Variants in TMEM117 observed in about 807,000 individuals in gnomAD.
TMEM117 encodes transmembrane protein 117.
Under a neutral mutation model 52.4 loss-of-function variants are expected in TMEM117, and 27 were observed. The observed-to-expected ratio is 0.51, with a 90% CI of 0.38 to 0.71. TMEM117 has a LOEUF of 0.71. TMEM117 is among the 30% of genes least tolerant of loss of function. TMEM117 has a pLI of 0.00. For synonymous variants in TMEM117, 215 were observed against 206.3 expected (o/e 1.04, Z -0.36); for missense variants, 556 against 630.5 (o/e 0.88, Z 1.26).
intron 2 of TMEM117, among the ~76,000 whole-genome samples, chr12:43,878,899 A>G (rs1456305572): frequency 6.6e-6 from 1 of 152,200 alleles, no homozygotes; most frequent in Non-Finnish European, 1.5e-5. Flanking sequence ...GACCATTCAT[A>G]AATGTGTACC....
At chr12:44,269,652 C>T (rs151049726) in intron 5 of TMEM117, among the ~76,000 whole-genome samples, 2 of 151,840 alleles carry the variant, frequency 1.3e-5, no homozygotes, top group Non-Finnish European at 2.9e-5. Context: ...TGATTACCTT[C>T]GATTTTGTTT....
At position 44,275,525 on chromosome 12, in the gene TMEM117, G is replaced by C. The variant is rs569659050; in HGVS notation, c.609-24055G>C. Among the ~76,000 whole-genome samples the C allele has an allele frequency of 1.2e-3, 182 of 152,142 alleles. 1 individual carries two copies. Among genetic ancestry groups the C allele is most frequent in the African/African-American group, 4.3e-3 (179 of 41,524 alleles). On this transcript the variant is annotated intron_variant, in intron 5 of 7. Coordinates refer to ENST00000266534, the MANE Select transcript of TMEM117 (RefSeq NM_032256.3). ...ATTTGTTGCAGCACTGTTCACAATA[G>C]CCACGATTTGGAAGCAATGTAAGTG...
At chr12:44,386,425 C>A (rs1341649993) in intron 7 of TMEM117, among the ~76,000 whole-genome samples, 2 of 152,100 alleles carry the variant, frequency 1.3e-5, no homozygotes, top group Admixed American at 1.3e-4. Context: ...CCAAAAAAAT[C>A]ATTCAGGCAA....
chr12:44,236,901 G>A (rs1950003831), intron 5 of TMEM117, among the ~76,000 whole-genome samples: 1 of 152,092 alleles, frequency 6.6e-6, no homozygotes, highest in Non-Finnish European at 1.5e-5. Flanking sequence ...TCATAAGGAT[G>A]TAGTCTTTCA....
intron 6 of TMEM117, among the ~76,000 whole-genome samples, chr12:44,316,556 C>G (rs1836566629): frequency 6.6e-6 from 1 of 151,988 alleles, no homozygotes; most frequent in Non-Finnish European, 1.5e-5. Context: ...TGACTATATG[C>G]CTTGATGATG....
intron 6 of TMEM117, among the ~76,000 whole-genome samples, chr12:44,344,552 A>C (rs1055728081): frequency 2.6e-5 from 4 of 152,074 alleles, no homozygotes; most frequent in African/African-American, 9.7e-5. Flanking sequence ...CACAAGCCTA[A>C]TTTGGGCAGA....
At chr12:44,221,117 C>T (rs963606835) in intron 5 of TMEM117, among the ~76,000 whole-genome samples, 16 of 152,054 alleles carry the variant, frequency 1.1e-4, no homozygotes, top group Admixed American at 7.9e-4. Flanking sequence ...ATTACCTTGA[C>T]CTTGTGATGA....
intron 3 of TMEM117, among the ~76,000 whole-genome samples, chr12:44,098,725 C>T (rs2138068049): frequency 6.6e-6 from 1 of 152,184 alleles, no homozygotes; most frequent in East Asian, 1.9e-4. Context: ...CAGCTGGGCT[C>T]ATTGGTGACA....
the TMEM117 span, among the ~76,000 whole-genome samples, chr12:43,826,450 G>A: frequency 1.3e-5 from 2 of 152,172 alleles, no homozygotes; most frequent in Admixed American, 1.3e-4. Flanking sequence ...AACAGATAAT[G>A]TCATCTTTTT....
intron 4 of TMEM117, among the ~76,000 whole-genome samples, chr12:44,205,195 G>A (rs1183470732): frequency 6.6e-6 from 1 of 152,170 alleles, no homozygotes; most frequent in Non-Finnish European, 1.5e-5. Flanking sequence ...GGAGGTGCCA[G>A]TGGAGATAAT....
intron 2 of TMEM117, among the ~76,000 whole-genome samples, chr12:43,918,406 C>A (rs1944640266): frequency 6.6e-6 from 1 of 152,098 alleles, no homozygotes; most frequent in South Asian, 2.1e-4. Flanking sequence ...ACTTGTCACC[C>A]AGTTCTTGCC....
At chr12:43,859,501 A>G (rs1289226507) in intron 2 of TMEM117, among the ~76,000 whole-genome samples, 1 of 66,328 alleles carries the variant, frequency 1.5e-5, no homozygotes, top group Non-Finnish European at 4.9e-5. Context: ...ATATAAACCT[A>G]TTGTGGGAAA....
At chr12:43,878,418 A>G (rs1275016788) in intron 2 of TMEM117, among the ~76,000 whole-genome samples, 1 of 152,216 alleles carries the variant, frequency 6.6e-6, no homozygotes, top group Non-Finnish European at 1.5e-5. Context: ...GTTCATGTCA[A>G]ACAACCAATT....
intron 3 of TMEM117, among the ~76,000 whole-genome samples, chr12:44,025,096 T>G (rs1471435208): frequency 2.0e-5 from 3 of 152,170 alleles, no homozygotes; most frequent in Non-Finnish European, 1.5e-5. Context: ...TTGCTAGGCT[T>G]TAGTCTGCTC....
rs1459154125 is a variant in TMEM117, at chr12:44,211,667, T to A, written c.608+280T>A. ...TGACTCAGCAAAAACAAGCTGTAAT[T>A]TTCATCAGTAAAATCTGATAGATGA... On this transcript the variant is annotated intron_variant, in intron 5 of 7. Transcript: ENST00000266534. Among the ~76,000 whole-genome samples the A allele has an allele frequency of 2.0e-5, 3 of 152,164 alleles. No individual in the cohort carries two copies. In the East Asian group the frequency reaches 5.8e-4, roughly 29 times the overall value.
Position 43,965,861 on chromosome 12 carries a change from G to A in TMEM117, c.410+21519G>A, listed in dbSNP as rs565174745. 2.0e-5 allele frequency among the ~76,000 whole-genome samples: 3 copies of A among 152,250 alleles called. No homozygotes were observed. The South Asian group carries it at 6.2e-4, about 32-fold the overall frequency. ...TGATCTTGTCACCCAGGTAGTGAGC[G>A]TAGTAACCAATAGTTAGTTTTTTAA... On this transcript the variant is annotated intron_variant, in intron 3 of 7. Coordinates refer to ENST00000266534, the MANE Select transcript of TMEM117 (RefSeq NM_032256.3).
the TMEM117 span, chr12:43,802,602 G>A: frequency 4.6e-5 from 30 of 645,202 alleles, 1 homozygote; most frequent in South Asian, 2.4e-4. Context: ...AGAAAAATGT[G>A]GTAACATAGA....
At chr12:43,863,072 C>T (rs1943517920) in intron 2 of TMEM117, among the ~76,000 whole-genome samples, 1 of 152,020 alleles carries the variant, frequency 6.6e-6, no homozygotes, top group African/African-American at 2.4e-5. Flanking sequence ...GTGGTGAAAC[C>T]CTGTCTCTAC....
At chr12:43,836,000 C>A (rs1053346056), upstream of TMEM117, 1 of 151,280 alleles carries the variant, frequency 6.6e-6, no homozygotes, top group Non-Finnish European at 1.5e-5. Context: ...CGGTGAAGCA[C>A]CGGCGCGGAG....
Sources: allele counts gnomAD v4.1 joint callset (sites outside exome capture counted in the v4.1 genomes callset), GRCh38; gene constraint gnomAD v4.1.1; transcripts MANE v1.5; gene names NCBI Gene and HGNC (gene_info 2026-07-23, HGNC 2026-07-21).